Variants in ZNF235 observed in about 807,000 individuals in gnomAD.
ZNF235 encodes zinc finger protein 235.
Under a neutral mutation model 29.4 loss-of-function variants are expected in ZNF235, and 25 were observed. That is an observed-to-expected ratio of 0.85 (90% CI 0.62 to 1.19). The LOEUF is 1.19. Ranked by LOEUF, ZNF235 falls within the 50% of genes most tolerant of loss-of-function variation. ZNF235 has a pLI of 0.00. For missense variants in ZNF235, 788 were observed against 885.0 expected, an observed-to-expected ratio of 0.89 and a Z score of 1.39; for synonymous variants, 300 against 295.3, an observed-to-expected ratio of 1.02 and a Z score of -0.16.
intron 1 of ZNF235, chr19:44,304,706 A>C (rs1356911323): frequency 1.0e-6 from 1 of 985,254 alleles, no homozygotes; most frequent in Non-Finnish European, 1.2e-6. Flanking sequence ...CTTGCCCAAT[A>C]TTTTACTGCG....
At position 44,303,409 on chromosome 19, in the gene ZNF235, C is replaced by T. The variant is rs1477779928; in HGVS notation, c.-5G>A. 6.2e-7 allele frequency: 1 copy of T among 1,610,678 alleles called. No homozygotes were observed. The highest frequency in any genetic ancestry group is 8.5e-7 in the Non-Finnish European group (1 of 1,178,000). Reference sequence around the variant, plus strand: ...ACTTACCTGGAACTTGGTCATTTTTCCCCTCCTCCTTCTGGGAAAAGGCAG... The same window carrying T: ...ACTTACCTGGAACTTGGTCATTTTTTCCCTCCTCCTTCTGGGAAAAGGCAG... On this transcript the variant is annotated 5_prime_UTR_variant, in exon 2 of 5. Coordinates refer to ENST00000291182, the MANE Select transcript of ZNF235 (RefSeq NM_004234.4).
intron 2 of ZNF235, among the ~76,000 whole-genome samples, chr19:44,300,732 C>T (rs1374244823): frequency 1.3e-5 from 2 of 150,622 alleles, no homozygotes; most frequent in East Asian, 2.0e-4. Flanking sequence ...CCCAGCTACT[C>T]GGGGGGCTGA....
rs931465116 is a variant in ZNF235, at chr19:44,286,531, T to G, written c.*687A>C. The G allele has an allele frequency of 6.6e-6, 1 of 152,216 alleles. No homozygotes were observed. Among genetic ancestry groups the G allele is most frequent in the African/African-American group, 2.4e-5 (1 of 41,444 alleles). 9.4% of individuals were successfully genotyped at this position (152,216 alleles called of 1,614,324 possible). On this transcript the variant is annotated 3_prime_UTR_variant, in exon 5 of 5. Coordinates refer to ENST00000291182, the MANE Select transcript of ZNF235 (RefSeq NM_004234.4). ...TAAAAATCATACTGTACACAACTGA[T>G]GATACACTGTACAAAGAACTAAGGC...
At position 44,288,482 on chromosome 19, in the gene ZNF235, C is replaced by A. The variant is rs754503668; in HGVS notation, c.953G>T (p.Arg318Leu). The change falls in exon 5 of 5, where the codon CGC becomes CTC. Residue 318 changes from arginine (R) to leucine (L), a missense_variant. Arg to Leu is a moderately radical substitution (Grantham distance 102, BLOSUM62 -2). Transcript: ENST00000291182. ...TTTACCACATTCATGACACCAATAG[C>A]GTTTTTTCCCAGTACGAACACTTTG... ...VQQSVRTGKK[R>L]YWCHECGKGF... 6.2e-7 allele frequency: 1 copy of A among 1,614,016 alleles called. No homozygotes were observed. The highest frequency in any genetic ancestry group is 1.1e-5 in the South Asian group (1 of 91,078).
intron 2 of ZNF235, among the ~76,000 whole-genome samples, chr19:44,302,967 T>TAC (rs1206456192): frequency 4.3e-5 from 5 of 115,832 alleles, no homozygotes; most frequent in Non-Finnish European, 8.2e-5. Flanking sequence ...AATATATACG[T>TAC]ATATATGTAT....
rs547735900 is a variant in ZNF235 at position 44,289,085 on chromosome 19, G to C, written c.350C>G (p.Ala117Gly). 68 of 1,614,094 alleles carry C rather than the reference G, an allele frequency of 4.2e-5. No homozygotes were observed. In the African/African-American group the frequency reaches 4.7e-4, roughly 11 times the overall value. The change falls in exon 5 of 5, where the codon GCC becomes GGC. Residue 117 changes from alanine (A) to glycine (G), a missense_variant. Transcript: ENST00000291182. ...ATTTATCATGGAGTCTTGACTTCTG[G>C]CTAATTTGCTCGCAATGTGTCTCTT... ...QIKRHIASKLARSQDSMINIE... is the reference protein window; with the variant it reads ...QIKRHIASKLGRSQDSMINIE...
Position 44,288,558 on chromosome 19 carries a change from A to G in ZNF235, c.877T>C (p.Cys293Arg). The change falls in exon 5 of 5, where the codon TGT becomes CGT. Residue 293 changes from cysteine to arginine, a missense_variant. Coordinates refer to ENST00000291182, the MANE Select transcript of ZNF235 (RefSeq NM_004234.4). ...QVHLGKKSPA[C>R]STHEKDTSYS... ...CTGGTGTCCTTCTCATGTGTACTAC[A>G]CGCTGGAGACTTCTTTCCCAAGTGT... 1.9e-6 allele frequency: 3 copies of G among 1,614,124 alleles called. No individual in the cohort carries two copies. The East Asian group carries it at 6.7e-5, about 36-fold the overall frequency.
Position 44,288,201 on chromosome 19 carries a change from A to C in ZNF235, c.1234T>G (p.Phe412Val). 1 of 1,614,124 alleles carries C rather than the reference A, an allele frequency of 6.2e-7. No individual in the cohort carries two copies. The highest frequency in any genetic ancestry group is 1.3e-5 in the African/African-American group (1 of 75,018). ...GCCTGAAGATGTGATCTCTGAGTGAAGCCCTTCCCACACACCTCACATTTA... is the reference window on the plus strand; with the variant it reads ...GCCTGAAGATGTGATCTCTGAGTGACGCCCTTCCCACACACCTCACATTTA... ...PYKCEVCGKG[F>V]TQRSHLQAHE... Residue 412 changes from phenylalanine (F) to valine (V), a missense_variant, in exon 5 of 5, where the codon TTC becomes GTC. By Grantham distance (50) the Phe-to-Val change is conservative (BLOSUM62 -1). Coordinates refer to ENST00000291182, the MANE Select transcript of ZNF235 (RefSeq NM_004234.4).
intron 4 of ZNF235, among the ~76,000 whole-genome samples, chr19:44,297,682 C>T (rs904222753): frequency 6.6e-6 from 1 of 152,020 alleles, no homozygotes; most frequent in African/African-American, 2.4e-5. Flanking sequence ...AGGCTGGTCT[C>T]GAACTCCCGA....
intron 4 of ZNF235, among the ~76,000 whole-genome samples, chr19:44,298,116 C>CTCAA (rs1164839291): frequency 6.6e-6 from 1 of 151,968 alleles, no homozygotes; most frequent in African/African-American, 2.4e-5. Flanking sequence ...GAGACCCTAT[C>CTCAA]TCAATCAATC....
At chr19:44,294,331 C>T (rs189183680) in intron 4 of ZNF235, among the ~76,000 whole-genome samples, 92 of 152,142 alleles carry the variant, frequency 6.0e-4, no homozygotes, top group African/African-American at 2.0e-3. Context: ...ATACAACCTC[C>T]CAAGATTGAG....
intron 1 of ZNF235, chr19:44,304,693 T>C: frequency 1.0e-6 from 1 of 983,212 alleles, no homozygotes; most frequent in Non-Finnish European, 1.2e-6. Flanking sequence ...AGAGATTAAG[T>C]AACTTGCCCA....
rs1488406998 is a variant in ZNF235 at position 44,287,776 on chromosome 19, A to T, written c.1659T>A (p.Asn553Lys). 6.2e-7 allele frequency: 1 copy of T among 1,613,726 alleles called. No homozygotes were observed. Among genetic ancestry groups the T allele is most frequent in the African/African-American group, 1.3e-5 (1 of 74,798 alleles). Residue 553 changes from asparagine to lysine, a missense_variant, in exon 5 of 5, where the codon AAT becomes AAA. Physicochemically the swap from Asn to Lys is moderately conservative, Grantham distance 94 (BLOSUM62 0). Transcript: ENST00000291182. Reference sequence around the variant, plus strand: ...GATGATTGTGAAGATTCAAGCTCCAATTGAAGCGCTTCCCACACACTTCAC... The same window carrying T: ...GATGATTGTGAAGATTCAAGCTCCATTTGAAGCGCTTCCCACACACTTCAC... ...YKCEVCGKRF[N>K]WSLNLHNHQR... is the part of the protein sequence containing the mutation.
At chr19:44,303,328 T>C (rs1305762015) in intron 2 of ZNF235, 62 bp downstream of exon 2, 1 of 1,578,508 alleles carries the variant, frequency 6.3e-7, no homozygotes, top group Admixed American at 1.7e-5. Flanking sequence ...ACAGGAAAAA[T>C]GTGTCCAATC....
chr19:44,292,218 C>T (rs971282735), intron 4 of ZNF235, among the ~76,000 whole-genome samples: 1 of 151,284 alleles, frequency 6.6e-6, no homozygotes, highest in African/African-American at 2.4e-5. Context: ...AAAAAAACAA[C>T]ATAAAAGAAA....
intron 2 of ZNF235, among the ~76,000 whole-genome samples, chr19:44,301,000 G>A (rs1397330796): frequency 2.0e-5 from 3 of 151,796 alleles, no homozygotes; most frequent in African/African-American, 7.3e-5. Flanking sequence ...GGCCAAAACT[G>A]GACATTTTTT....
chr19:44,290,420 T>C (rs1352513851), intron 4 of ZNF235: 2 of 152,560 alleles, frequency 1.3e-5, no homozygotes, highest in East Asian at 1.9e-4. Context: ...ATTATCGACT[T>C]GAACATCAAG....
rs1383037772 is a variant in ZNF235 at position 44,287,429 on chromosome 19, C to T, written c.2006G>A (p.Gly669Asp). 2 of 1,612,794 alleles carry T rather than the reference C, an allele frequency of 1.2e-6. No individual in the cohort carries two copies. Among genetic ancestry groups the T allele is most frequent in the Non-Finnish European group, 1.7e-6 (2 of 1,179,622 alleles). Reference protein sequence around the residue: ...ECGKEFSWSAGLSAHQRVHTG... With the variant: ...ECGKEFSWSADLSAHQRVHTG... ...GTGGACCCTCTGATGGGCACTGAGA[C>T]CAGCACTCCAACTGAATTCTTTCCC... is the stretch of plus-strand genomic sequence containing the variant. The change falls in exon 5 of 5, where the codon GGT becomes GAT. Residue 669 changes from glycine to aspartate, a missense_variant. Physicochemically the swap from Gly to Asp is moderately conservative, Grantham distance 94. Coordinates refer to ENST00000291182, the MANE Select transcript of ZNF235 (RefSeq NM_004234.4).
chr19:44,303,021 TA>T (rs1474987051), intron 2 of ZNF235, among the ~76,000 whole-genome samples: 2 of 138,814 alleles, frequency 1.4e-5, no homozygotes, highest in African/African-American at 2.7e-5. Context: ...TATATTTATA[TA>T]AAATATACGT....
Sources: allele counts gnomAD v4.1 joint callset (sites outside exome capture counted in the v4.1 genomes callset), GRCh38; gene constraint gnomAD v4.1.1; transcripts MANE v1.5; gene names NCBI Gene and HGNC (gene_info 2026-07-23, HGNC 2026-07-21).